CDKN2B-AS1: variants seen among roughly 807,000 people sequenced by gnomAD.
CDKN2B-AS1 encodes the protein CDKN2B and CDKN2A antisense cis and trans regulatory RNA 1.
chr9:22,096,005 T>C (rs1825262525), intron 4 of CDKN2B-AS1, among the ~76,000 whole-genome samples: 1 of 152,100 alleles, frequency 6.6e-6, no homozygotes, highest in African/African-American at 2.4e-5. Context: ...TGGGAGGTAC[T>C]GGTATTACAA....
intron 4 of CDKN2B-AS1, among the ~76,000 whole-genome samples, chr9:22,107,700 T>G (rs1427302959): frequency 1.3e-5 from 2 of 152,196 alleles, no homozygotes; most frequent in African/African-American, 2.4e-5. Context: ...TTTCTGGTCT[T>G]GTAGAGAATG....
At chr9:22,106,291 C>G (rs1825656727) in intron 4 of CDKN2B-AS1, among the ~76,000 whole-genome samples, 1 of 152,092 alleles carries the variant, frequency 6.6e-6, no homozygotes, top group Non-Finnish European at 1.5e-5. Context: ...GCATGTTGGC[C>G]AGGTTGGTCT....
chr9:22,088,125 C>G (rs1209195932), intron 4 of CDKN2B-AS1, among the ~76,000 whole-genome samples: 1 of 152,104 alleles, frequency 6.6e-6, no homozygotes, highest in East Asian at 1.9e-4. Flanking sequence ...TGCTCTGTTT[C>G]CCCTTGGAGG....
intron 4 of CDKN2B-AS1, among the ~76,000 whole-genome samples, chr9:22,104,750 C>A (rs1422544911): frequency 1.3e-5 from 2 of 152,104 alleles, no homozygotes; most frequent in East Asian, 3.8e-4. Flanking sequence ...AGGTGCCAGG[C>A]ATTGAAGAAC....
intron 1 of CDKN2B-AS1, among the ~76,000 whole-genome samples, chr9:22,014,395 C>T (rs1176421988): frequency 6.6e-6 from 1 of 151,986 alleles, no homozygotes; most frequent in Non-Finnish European, 1.5e-5. Flanking sequence ...CTGGGCTCAG[C>T]CTCCTAAGCT....
At position 22,063,691 on chromosome 9, in the gene CDKN2B-AS1, C is replaced by T. The variant is rs138518118; in HGVS notation, n.438+7304C>T. ...GAGTGACCAGTTTAGATGACAACTA[C>T]TGTTTCTTCAACTCTTTCTTCAACT... On this transcript the variant is annotated intron_variant and non_coding_transcript_variant, in intron 4 of 4. Transcript: ENST00000650946. Among the ~76,000 whole-genome samples, 287 of 152,250 alleles carry T rather than the reference C, an allele frequency of 1.9e-3. 1 individual carries two copies. The highest frequency in any genetic ancestry group is 6.2e-3 in the African/African-American group (257 of 41,542).
intron 4 of CDKN2B-AS1, among the ~76,000 whole-genome samples, chr9:22,114,421 C>T (rs747212517): frequency 4.6e-5 from 7 of 152,144 alleles, no homozygotes; most frequent in Non-Finnish European, 8.8e-5. Flanking sequence ...CCGAGGTAAA[C>T]CTTGTGGGAG....
In CDKN2B-AS1 at chr9:22,005,615, G is replaced by A. The variant is rs557999070; in HGVS notation, n.29+10454G>A. 6.7e-6 allele frequency: 3 copies of A among 445,384 alleles called. No individual in the cohort carries two copies. The Admixed American group carries it at 1.1e-4, about 16-fold the overall frequency. 27.6% of individuals were successfully genotyped at this position (445,384 alleles called of 1,614,324 possible). A position where few individuals can be genotyped will look rare whatever the true frequency, so the allele number is the denominator to read the frequency against. On this transcript the variant is annotated intron_variant and non_coding_transcript_variant, in intron 1 of 4. Coordinates refer to ENST00000650946, the Ensembl canonical transcript of CDKN2B-AS1. The surrounding 1 kb of genome is among the most constrained non-coding windows in gnomAD (Gnocchi z 4.9). ...TAATCACTGCCTTCTCCCACTCAGC[G>A]CTGGAGTGGGAGATTCATCCATCGG...
At chr9:22,062,190 A>G (rs1010759820) in intron 4 of CDKN2B-AS1, among the ~76,000 whole-genome samples, 2 of 152,238 alleles carry the variant, frequency 1.3e-5, no homozygotes, top group African/African-American at 2.4e-5. Context: ...TTCTAGAGCT[A>G]GTTCAAGTGA....
intron 4 of CDKN2B-AS1, among the ~76,000 whole-genome samples, chr9:22,092,941 C>T (rs572826518): frequency 1.3e-5 from 2 of 151,974 alleles, no homozygotes; most frequent in African/African-American, 4.8e-5. Flanking sequence ...GATCTTTGCT[C>T]CTTTCTCTTG....
In CDKN2B-AS1 at chr9:22,079,502, C is replaced by G. The variant is rs113698606; in HGVS notation, n.438+23115C>G. Among the ~76,000 whole-genome samples, 374 of 135,650 alleles carry G rather than the reference C, an allele frequency of 2.8e-3. 3 individuals carry two copies. Among genetic ancestry groups the G allele is most frequent in the African/African-American group, 0.011 (331 of 31,444 alleles). 89.0% of individuals were successfully genotyped at this position (135,650 alleles called of 152,430 possible). A position where few individuals can be genotyped will look rare whatever the true frequency, so the allele number is the denominator to read the frequency against. On this transcript the variant is annotated intron_variant and non_coding_transcript_variant, in intron 4 of 4. Coordinates refer to ENST00000650946, the Ensembl canonical transcript of CDKN2B-AS1. ...GACAGAGTGTGACAGAGCAAAACACCATCTAAAAAAAAAAAAAAAAGGGAA... is the reference window on the plus strand; with the variant it reads ...GACAGAGTGTGACAGAGCAAAACACGATCTAAAAAAAAAAAAAAAAGGGAA...
At position 22,005,648 on chromosome 9, in the gene CDKN2B-AS1, G is replaced by A. The variant is rs3217982; in HGVS notation, n.29+10487G>A. On this transcript the variant is annotated intron_variant and non_coding_transcript_variant, in intron 1 of 4. Coordinates refer to ENST00000650946, the Ensembl canonical transcript of CDKN2B-AS1. This position sits in a 1 kb window ranked among gnomAD's most constrained non-coding sequence, Gnocchi z 4.9. Reference sequence around the variant, plus strand: ...GGGAGATTCATCCATCGGAAGATTCGTAGCCACCAGGTCCAGTCAAGGATT... The same window carrying A: ...GGGAGATTCATCCATCGGAAGATTCATAGCCACCAGGTCCAGTCAAGGATT... The A allele has an allele frequency of 9.7e-5, 45 of 466,278 alleles. No individual in the cohort carries two copies. Among genetic ancestry groups the A allele is most frequent in the African/African-American group, 8.3e-4 (43 of 51,758 alleles). 28.9% of individuals were successfully genotyped at this position (466,278 alleles called of 1,614,324 possible).
intron 1 of CDKN2B-AS1, among the ~76,000 whole-genome samples, chr9:22,013,062 C>T (rs908820536): frequency 2.0e-5 from 3 of 152,196 alleles, no homozygotes; most frequent in Non-Finnish European, 4.4e-5. Flanking sequence ...CATGGCCATC[C>T]TACTGCTGCC....
At position 21,999,667 on chromosome 9, in the gene CDKN2B-AS1, G is replaced by A. The variant is rs1158252105; in HGVS notation, n.29+4506G>A. Among the ~76,000 whole-genome samples, 1 of 152,150 alleles carries A rather than the reference G, an allele frequency of 6.6e-6. No individual in the cohort carries two copies. Among genetic ancestry groups the A allele is most frequent in the Non-Finnish European group, 1.5e-5 (1 of 68,008 alleles). ...TATGCAGAAATGTTTCTTTATAGCA[G>A]TGTGTATTAGCAAACAAAGTGCAAG... On this transcript the variant is annotated intron_variant and non_coding_transcript_variant, in intron 1 of 4. Transcript: ENST00000650946. The surrounding 1 kb of genome is among the most constrained non-coding windows in gnomAD (Gnocchi z 4.7).
At chr9:22,087,716 C>G (rs1023392116) in intron 4 of CDKN2B-AS1, among the ~76,000 whole-genome samples, 3 of 152,104 alleles carry the variant, frequency 2.0e-5, no homozygotes, top group Non-Finnish European at 4.4e-5. Context: ...TTGTCATATC[C>G]TTGTATCATC....
intron 1 of CDKN2B-AS1, among the ~76,000 whole-genome samples, chr9:22,013,827 T>C (rs1236059873): frequency 6.6e-6 from 1 of 152,206 alleles, no homozygotes; most frequent in Non-Finnish European, 1.5e-5. Flanking sequence ...TTGCAGAAAT[T>C]GGCTTTATCT....
chr9:22,109,405 G>A (rs1825743986), intron 4 of CDKN2B-AS1, among the ~76,000 whole-genome samples: 1 of 152,138 alleles, frequency 6.6e-6, no homozygotes, highest in African/African-American at 2.4e-5. Flanking sequence ...CCCCTGACTG[G>A]ATAGAGTAAA....
chr9:22,045,029 A>AT (rs11430094), intron 1 of CDKN2B-AS1, among the ~76,000 whole-genome samples: 8,994 of 125,124 alleles, frequency 0.072, 898 homozygotes, highest in African/African-American at 0.27. Flanking sequence ...TTGGAAAAAT[A>AT]TTATTTATTT....
At chr9:22,080,062 C>G (rs1167472226) in intron 4 of CDKN2B-AS1, among the ~76,000 whole-genome samples, 1 of 152,192 alleles carries the variant, frequency 6.6e-6, no homozygotes, top group Non-Finnish European at 1.5e-5. Flanking sequence ...TCAATGAAGC[C>G]TTTTGGGGTG....
Sources: gnomAD v4.1 joint callset for allele counts (sites outside exome capture counted in the v4.1 genomes callset) on GRCh38, gnomAD v4.1.1 for gene constraint, Gnocchi (gnomAD v3.1) non-coding constraint, MANE v1.5 for transcripts, NCBI Gene and HGNC (gene_info 2026-07-23, HGNC 2026-07-21) for gene names.